The following SLC5A8 variants were observed in gnomAD, a reference collection of about 807,000 sequenced individuals.
SLC5A8 encodes solute carrier family 5 member 8, also known as sodium-coupled monocarboxylate transporter 1.
In SLC5A8, 55 loss-of-function variants were observed where a neutral mutation model predicts 71.9. The observed-to-expected ratio is 0.77, with a 90% CI of 0.62 to 0.96. SLC5A8 has a LOEUF of 0.96. SLC5A8 is among the 40% of genes least tolerant of loss of function. The pLI, the probability that SLC5A8 is intolerant of heterozygous loss-of-function variation, is 0.00. For missense variants in SLC5A8, 701 were observed against 745.3 expected (o/e 0.94, Z 0.69); for synonymous variants, 307 against 276.1 (o/e 1.11, Z -1.11).
chr12:101,176,467 C>T (rs536128469), intron 10 of SLC5A8, among the ~76,000 whole-genome samples: 1 of 151,960 alleles, frequency 6.6e-6, no homozygotes, highest in African/African-American at 2.4e-5. Context: ...AACACTCTAC[C>T]TAATAAAAAA....
At position 101,155,707 on chromosome 12, in the gene SLC5A8, C is replaced by T. The variant is rs186745832; in HGVS notation, c.*1572G>A. On this transcript the variant is annotated 3_prime_UTR_variant, in exon 15 of 15. Coordinates refer to ENST00000536262, the MANE Select transcript of SLC5A8 (RefSeq NM_145913.5). ...GTAGAGATGAGGTCTAACTATGTTT[C>T]CAGGCTGGACTTAAACTCTGGACCT... The T allele has an allele frequency of 2.0e-5, 3 of 150,870 alleles. No homozygotes were observed. In the East Asian group the frequency reaches 5.8e-4, roughly 29 times the overall value. The allele number at this position is 150,870 out of a possible 1,614,324, so 9.3% of individuals were successfully genotyped here. A position where few individuals can be genotyped will look rare whatever the true frequency, so the allele number is the denominator to read the frequency against.
chr12:101,181,684 T>C (rs1184773384), intron 9 of SLC5A8, among the ~76,000 whole-genome samples: 1 of 152,158 alleles, frequency 6.6e-6, no homozygotes, highest in Non-Finnish European at 1.5e-5. Flanking sequence ...TTCAAAAGCA[T>C]CTATTCATCT....
chr12:101,177,478 C>T (rs979759136), intron 10 of SLC5A8, among the ~76,000 whole-genome samples: 7 of 144,110 alleles, frequency 4.9e-5, no homozygotes, highest in South Asian at 2.1e-4. Flanking sequence ...CACACACACA[C>T]GCATGCATGC....
At chr12:101,175,811 A>T (rs1219506835) in intron 10 of SLC5A8, among the ~76,000 whole-genome samples, 1 of 152,088 alleles carries the variant, frequency 6.6e-6, no homozygotes, top group Non-Finnish European at 1.5e-5. Flanking sequence ...TCCTTTGGGG[A>T]TAAAGGGGAA....
rs1054446190 is a variant in SLC5A8 at position 101,156,342 on chromosome 12, T to C, written c.*937A>G. On this transcript the variant is annotated 3_prime_UTR_variant, in exon 15 of 15. Coordinates refer to ENST00000536262, the MANE Select transcript of SLC5A8 (RefSeq NM_145913.5). Reference sequence around the variant, plus strand: ...TTTTGAAGAATATAATATTCTTGGATCATCAAGTCCATAAATACCTACATC... The same window carrying C: ...TTTTGAAGAATATAATATTCTTGGACCATCAAGTCCATAAATACCTACATC... The C allele has an allele frequency of 6.6e-6, 1 of 152,178 alleles. No homozygotes were observed. Among genetic ancestry groups the C allele is most frequent in the Non-Finnish European group, 1.5e-5 (1 of 68,038 alleles). 9.4% of individuals were successfully genotyped at this position (152,178 alleles called of 1,614,324 possible).
chr12:101,179,286 C>T (rs1351605870), intron 10 of SLC5A8, among the ~76,000 whole-genome samples: 9 of 152,180 alleles, frequency 5.9e-5, no homozygotes, highest in Non-Finnish European at 1.5e-5. Context: ...CTGACAGTTG[C>T]ACTCCTGGGT....
chr12:101,164,284 G>T (rs1283527762), intron 12 of SLC5A8, among the ~76,000 whole-genome samples: 1 of 152,064 alleles, frequency 6.6e-6, no homozygotes, highest in Non-Finnish European at 1.5e-5. Context: ...ATTTCAGATG[G>T]ACTAAAGACT....
chr12:101,208,115 C>T (rs1869749843), intron 1 of SLC5A8, among the ~76,000 whole-genome samples: 1 of 151,864 alleles, frequency 6.6e-6, no homozygotes, highest in East Asian at 1.9e-4. Flanking sequence ...AAAAAAATGA[C>T]TGAGAAGTGA....
chr12:101,157,157 A>G lies in SLC5A8; in HGVS notation c.*122T>C. 2 of 1,203,466 alleles carry G rather than the reference A, an allele frequency of 1.7e-6. No individual in the cohort carries two copies. Among genetic ancestry groups the G allele is most frequent in the South Asian group, 2.1e-5 (1 of 46,964 alleles). 74.5% of individuals were successfully genotyped at this position (1,203,466 alleles called of 1,614,324 possible). The stretch of plus-strand genomic sequence containing the variant: ...TAGTCCAGACTTTGTTTTAACAAAA[A>G]CTTATCCCCCAAACACTCATGATAC... On this transcript the variant is annotated 3_prime_UTR_variant, in exon 15 of 15. Coordinates refer to ENST00000536262, the MANE Select transcript of SLC5A8 (RefSeq NM_145913.5).
At chr12:101,186,514 T>A (rs575208432) in intron 7 of SLC5A8, among the ~76,000 whole-genome samples, 2 of 152,344 alleles carry the variant, frequency 1.3e-5, no homozygotes, top group South Asian at 4.1e-4. Flanking sequence ...GGTTGGGCAA[T>A]CCTGTGTTTG....
intron 5 of SLC5A8, among the ~76,000 whole-genome samples, chr12:101,192,902 C>T (rs1868975393): frequency 7.2e-6 from 1 of 139,778 alleles, no homozygotes; most frequent in Non-Finnish European, 1.6e-5. Context: ...GTCTCTGTCT[C>T]TTTTTTTTTT....
At chr12:101,169,762 G>T (rs746783186) in intron 10 of SLC5A8, among the ~76,000 whole-genome samples, 2 of 152,190 alleles carry the variant, frequency 1.3e-5, no homozygotes, top group Admixed American at 1.3e-4. Context: ...AGCTAAAGTT[G>T]TTAATGTCTT....
chr12:101,209,446 A>T (rs1164754092), intron 1 of SLC5A8, 52 bp downstream of exon 1: 1 of 1,433,334 alleles, frequency 7.0e-7, no homozygotes, highest in Non-Finnish European at 9.4e-7. Context: ...AGAGGTCTGC[A>T]GAGTCCCCTT....
intron 3 of SLC5A8, among the ~76,000 whole-genome samples, chr12:101,201,851 G>A (rs570814727): frequency 4.9e-4 from 74 of 152,270 alleles, no homozygotes; most frequent in African/African-American, 1.7e-3. Flanking sequence ...ATTCACAAGA[G>A]GGGATGCCGT....
Position 101,180,179 on chromosome 12 carries a change from A to G in SLC5A8, c.1166-83T>C. 4 of 1,352,094 alleles carry G rather than the reference A, an allele frequency of 3.0e-6. No homozygotes were observed. In the East Asian group the frequency reaches 6.9e-5, roughly 23 times the overall value. 83.8% of individuals were successfully genotyped at this position (1,352,094 alleles called of 1,614,324 possible). ...AATAGAATAATCCACCACACCTTTG[A>G]TTCAAAGTGGATAATATGACTGTGG... On this transcript the variant is annotated intron_variant, in intron 9 of 14. Transcript: ENST00000536262.
At chr12:101,188,608 C>T (rs1364508188) in intron 6 of SLC5A8, among the ~76,000 whole-genome samples, 1 of 152,176 alleles carries the variant, frequency 6.6e-6, no homozygotes, top group East Asian at 1.9e-4. Context: ...CATTACAGTC[C>T]AGCGTCTCCC....
At position 101,168,192 on chromosome 12, in the gene SLC5A8, T is replaced by A; in HGVS notation, c.1234-10A>T. ...ATACGCTGAGTGCTGCCTACAAAAA[T>A]AATACAACGTCAGCAATTAGCAATC... On this transcript the variant is annotated splice_polypyrimidine_tract_variant and intron_variant, in intron 10 of 14. Transcript: ENST00000536262. 6.3e-7 allele frequency: 1 copy of A among 1,590,240 alleles called. No homozygotes were observed. Among genetic ancestry groups the A allele is most frequent in the Non-Finnish European group, 8.6e-7 (1 of 1,168,950 alleles).
chr12:101,160,052 C>T (rs541495560), intron 13 of SLC5A8, among the ~76,000 whole-genome samples: 8 of 151,976 alleles, frequency 5.3e-5, no homozygotes, highest in Non-Finnish European at 1.2e-4. Flanking sequence ...CGTGGTGGTG[C>T]GTGCCTGTAG....
In SLC5A8 at chr12:101,209,617, C is replaced by T; in HGVS notation, c.232G>A (p.Val78Ile). The T allele has an allele frequency of 1.2e-6, 2 of 1,614,074 alleles. No homozygotes were observed. The highest frequency in any genetic ancestry group is 1.7e-6 in the Non-Finnish European group (2 of 1,180,016). The change falls in exon 1 of 15, where the codon GTC (valine) becomes ATC (isoleucine). Residue 78 changes from valine (V) to isoleucine (I), a missense_variant. By Grantham distance (29) the Val-to-Ile change is conservative. Transcript: ENST00000536262. ...AVTVLGTPSE[V>I]YRFGAIFSIF... ...CTAAAAATGGCCCCAAAACGGTAGA[C>T]CTCGGAGGGGGTGCCCAGGACAGTG... is the stretch of plus-strand genomic sequence containing the variant.
Sources: gnomAD v4.1 joint callset for allele counts (sites outside exome capture counted in the v4.1 genomes callset) on GRCh38, gnomAD v4.1.1 for gene constraint, MANE v1.5 for transcripts, NCBI Gene and HGNC (gene_info 2026-07-23, HGNC 2026-07-21) for gene names.